H3-7: variants seen among roughly 807,000 people sequenced by gnomAD.
H3-7 encodes the protein histone H3-7.
At chr1:143,904,472 C>A in the H3-7 span, 1 of 1,597,322 alleles carries the variant, frequency 6.3e-7, no homozygotes, top group Non-Finnish European at 8.6e-7. Flanking sequence ...GCTTCAGCAC[C>A]TCCTACACGT....
At chr1:143,904,264 C>A in the H3-7 span, 1 of 1,585,986 alleles carries the variant, frequency 6.3e-7, no homozygotes, top group East Asian at 2.3e-5. Context: ...TTGGTGCCCT[C>A]GGACACGGCG....
At chr1:143,902,677 C>T in the H3-7 span, among the ~76,000 whole-genome samples, 1 of 143,052 alleles carries the variant, frequency 7.0e-6, no homozygotes, top group Admixed American at 7.1e-5. Context: ...GTGGCCTTCT[C>T]TACACCACAA....
the H3-7 span, chr1:143,904,590 G>T: frequency 2.3e-5 from 36 of 1,591,504 alleles, 2 homozygotes; most frequent in South Asian, 3.3e-4. Flanking sequence ...AGCGGATTTC[G>T]CTGGATCCGG....
the H3-7 span, chr1:143,904,660 C>G: frequency 6.5e-7 from 1 of 1,549,916 alleles, no homozygotes; most frequent in African/African-American, 1.4e-5. Context: ...TACCGCAAAA[C>G]GGGCTGGTTA....
At chr1:143,904,336 T>C in the H3-7 span, 607 of 1,582,416 alleles carry the variant, frequency 3.8e-4, 95 homozygotes, top group South Asian at 6.0e-3. Flanking sequence ...CGGGACGTGA[T>C]GGTGGAGCGC....
At chr1:143,903,881 C>T in the H3-7 span, among the ~76,000 whole-genome samples, 4 of 143,280 alleles carry the variant, frequency 2.8e-5, no homozygotes, top group African/African-American at 1.0e-4. Flanking sequence ...TTTAAAGATA[C>T]AGGTTAAAGG....
the H3-7 span, chr1:143,904,777 A>C: frequency 1.6e-6 from 1 of 633,432 alleles, no homozygotes; most frequent in Non-Finnish European, 2.7e-6. Flanking sequence ...TATGTAAATA[A>C]TAGATTCTAG....
At chr1:143,904,640 T>C in the H3-7 span, 1 of 1,574,346 alleles carries the variant, frequency 6.4e-7, no homozygotes, top group African/African-American at 1.4e-5. Flanking sequence ...CTTAAAGAAG[T>C]AATCCGAACT....
At chr1:143,904,201 C>G in the H3-7 span, 18 of 1,499,374 alleles carry the variant, frequency 1.2e-5, 1 homozygote, top group Non-Finnish European at 1.7e-5. Flanking sequence ...GGTGGTTGAT[C>G]TATTGCGTCC....
the H3-7 span, among the ~76,000 whole-genome samples, chr1:143,903,271 G>C: frequency 8.9e-6 from 1 of 112,800 alleles, no homozygotes. Context: ...TCTTGTCCTG[G>C]AGGAAGTATT....
the H3-7 span, among the ~76,000 whole-genome samples, chr1:143,902,802 A>G: frequency 6.9e-6 from 1 of 145,000 alleles, no homozygotes; most frequent in Non-Finnish European, 1.5e-5. Flanking sequence ...TAAAACATCC[A>G]CACTCCTGAG....
At chr1:143,904,388 C>T in the H3-7 span, 1 of 1,582,912 alleles carries the variant, frequency 6.3e-7, no homozygotes, top group Non-Finnish European at 8.7e-7. Context: ...CCGCGATGCG[C>T]TCGAAGATGT....
the H3-7 span, among the ~76,000 whole-genome samples, chr1:143,903,191 CAAAA>C: frequency 0.014 from 856 of 60,384 alleles, 53 homozygotes; most frequent in African/African-American, 0.042. Flanking sequence ...GACTCCGTCT[CAAAA>C]AAAAAAAAAA....
chr1:143,904,761 G>A, the H3-7 span: 1 of 696,360 alleles, frequency 1.4e-6, no homozygotes, highest in Non-Finnish European at 2.4e-6. Context: ...CAGAGGGGGT[G>A]GAGTCTATGT....
the H3-7 span, chr1:143,905,574 G>T: frequency 6.3e-7 from 1 of 1,581,130 alleles, no homozygotes. Flanking sequence ...GCTCCCCGCG[G>T]ATGCGGCTGA....
chr1:143,903,964 T>A, the H3-7 span, among the ~76,000 whole-genome samples: 1 of 146,286 alleles, frequency 6.8e-6, no homozygotes, highest in East Asian at 2.0e-4. Flanking sequence ...GAGTCAAACC[T>A]TTCTAATCTC....
At chr1:143,904,694 G>A in the H3-7 span, 1 of 1,393,084 alleles carries the variant, frequency 7.2e-7, no homozygotes, top group Non-Finnish European at 1.0e-6. Context: ...GAGCCTGTAT[G>A]CAAATGAAGA....
the H3-7 span, chr1:143,905,793 A>G: frequency 6.3e-7 from 1 of 1,582,080 alleles, no homozygotes; most frequent in East Asian, 2.3e-5. Flanking sequence ...GCAGCTCCGT[A>G]GACTTCTGAT....
chr1:143,905,716 C>T, the H3-7 span: 1 of 1,582,466 alleles, frequency 6.3e-7, no homozygotes, highest in South Asian at 1.1e-5. Context: ...GCTCTGGAAG[C>T]GCAGGTCCGT....
Sources: allele counts gnomAD v4.1 joint callset (sites outside exome capture counted in the v4.1 genomes callset), GRCh38; gene constraint gnomAD v4.1.1; transcripts MANE v1.5; gene names NCBI Gene and HGNC (gene_info 2026-07-23, HGNC 2026-07-21).